The following PCGF3 variants were observed in gnomAD, a reference collection of about 807,000 sequenced individuals.
The protein encoded by PCGF3 is polycomb group ring finger 3, also known as polycomb group RING finger protein 3.
A neutral mutation model predicts 33.1 loss-of-function variants in PCGF3; 7 were observed. The ratio of observed to expected loss-of-function variants is 0.21; its 90% CI spans 0.12 to 0.40. PCGF3 has a LOEUF of 0.40. Ranked by LOEUF, PCGF3 falls within the 10% of genes least tolerant of loss-of-function variation. PCGF3 has a pLI of 1.00. For synonymous variants in PCGF3, 153 were observed against 121.3 expected, an observed-to-expected ratio of 1.26 and a Z score of -1.72; for missense variants, 211 against 313.3, an observed-to-expected ratio of 0.67 and a Z score of 2.46.
intron 1 of PCGF3, among the ~76,000 whole-genome samples, chr4:723,081 C>T (rs1293926147): frequency 9.1e-5 from 13 of 142,616 alleles, no homozygotes; most frequent in South Asian, 2.3e-4. Context: ...CTCGCGTCAT[C>T]GCCCACCCGC....
intron 9 of PCGF3, chr4:764,364 C>T (rs989035864): frequency 6.6e-6 from 1 of 152,240 alleles, no homozygotes; most frequent in African/African-American, 2.4e-5. Context: ...ACAGCCTGGA[C>T]CGGAGGTAGG....
intron 6 of PCGF3, among the ~76,000 whole-genome samples, chr4:738,282 G>A (rs576627623): frequency 2.0e-5 from 3 of 152,340 alleles, no homozygotes; most frequent in South Asian, 4.1e-4. Flanking sequence ...CCTTTAATGC[G>A]TGACCCAGAG....
chr4:761,856 G>C, intron 9 of PCGF3: 2 of 985,444 alleles, frequency 2.0e-6, no homozygotes, highest in Non-Finnish European at 2.4e-6. Context: ...GTGGGTCCCT[G>C]TGAGCCCCCA....
chr4:753,665 G>A lies in PCGF3; in HGVS notation c.463-7614G>A, dbSNP rs531761610. On this transcript the variant is annotated intron_variant, in intron 8 of 10. Coordinates refer to ENST00000362003, the Ensembl canonical transcript of PCGF3. Reference sequence around the variant, plus strand: ...TCTCAAAAAAAAAAAAAAGAAGACTGGACCAGGCACGGTGGCTCACGCCTG... The same window carrying A: ...TCTCAAAAAAAAAAAAAAGAAGACTAGACCAGGCACGGTGGCTCACGCCTG... Among the ~76,000 whole-genome samples, 47 of 148,066 alleles carry A rather than the reference G, an allele frequency of 3.2e-4. 1 individual carries two copies. In the South Asian group the frequency reaches 0.01, roughly 32 times the overall value.
chr4:707,628 T>C lies in PCGF3; in HGVS notation c.-190+1658T>C, dbSNP rs28594408. ...GGACAGCTCTGTTTTCCCCTGGGGGTCGGGACCCTGGGACAGCCCTGTTTT... is the reference window on the plus strand; with the variant it reads ...GGACAGCTCTGTTTTCCCCTGGGGGCCGGGACCCTGGGACAGCCCTGTTTT... On this transcript the variant is annotated intron_variant, in intron 1 of 10. Coordinates refer to ENST00000362003, the Ensembl canonical transcript of PCGF3. Among the ~76,000 whole-genome samples, 132 of 66,908 alleles carry C rather than the reference T, an allele frequency of 2.0e-3. 1 individual carries two copies. Among genetic ancestry groups the C allele is most frequent in the Middle Eastern group, 0.011 (1 of 88 alleles). 43.9% of individuals were successfully genotyped at this position (66,908 alleles called of 152,430 possible).
intron 3 of PCGF3, among the ~76,000 whole-genome samples, chr4:731,618 T>G (rs1408659016): frequency 1.2e-4 from 6 of 49,806 alleles, no homozygotes; most frequent in Admixed American, 5.2e-4. Context: ...CCCTCGTGGG[T>G]GGGCGTGGTC....
chr4:710,959 G>A (rs1229065061), intron 1 of PCGF3, among the ~76,000 whole-genome samples: 2 of 152,190 alleles, frequency 1.3e-5, no homozygotes, highest in East Asian at 1.9e-4. Context: ...TAGACCTTGC[G>A]CTTGCAGTTA....
intron 1 of PCGF3, among the ~76,000 whole-genome samples, chr4:722,771 C>G (rs1210914480): frequency 1.1e-5 from 1 of 90,332 alleles, no homozygotes; most frequent in Non-Finnish European, 2.2e-5. Context: ...GCCATCCACG[C>G]CGGGTCCACA....
chr4:709,235 A>G (rs1742461155), intron 1 of PCGF3, among the ~76,000 whole-genome samples: 1 of 152,068 alleles, frequency 6.6e-6, no homozygotes, highest in Non-Finnish European at 1.5e-5. Flanking sequence ...GCAAGAGTGA[A>G]TGATGCATGA....
At position 721,099 on chromosome 4, in the gene PCGF3, C is replaced by A. The variant is rs1743058763; in HGVS notation, c.-189-9531C>A. Among the ~76,000 whole-genome samples, 1 of 151,700 alleles carries A rather than the reference C, an allele frequency of 6.6e-6. No individual in the cohort carries two copies. ...GGCTGGGCACCCATGAGGCTGAGGA[C>A]CCTGGGGAGGGAACGCTGCTTGTCG... On this transcript the variant is annotated intron_variant, in intron 1 of 10. Transcript: ENST00000362003. This position sits in a 1 kb window ranked among gnomAD's most constrained non-coding sequence, Gnocchi z 4.1.
chr4:732,145 C>T (rs1743596764), intron 3 of PCGF3, among the ~76,000 whole-genome samples: 1 of 112,772 alleles, frequency 8.9e-6, no homozygotes. Flanking sequence ...GGGCGGGGCT[C>T]CCCTCCCCTC....
intron 1 of PCGF3, among the ~76,000 whole-genome samples, chr4:711,990 T>G (rs954836526): frequency 6.6e-6 from 1 of 151,478 alleles, no homozygotes; most frequent in South Asian, 2.1e-4. Context: ...GAAAAGAAAA[T>G]GTAATTTTTC....
chr4:712,589 G>A (rs1311776718), intron 1 of PCGF3, among the ~76,000 whole-genome samples: 1 of 152,218 alleles, frequency 6.6e-6, no homozygotes, highest in Non-Finnish European at 1.5e-5. Context: ...TGGGATTACA[G>A]GCGCCTGCCA....
chr4:742,977 C>T (rs953941941), intron 6 of PCGF3, among the ~76,000 whole-genome samples: 1 of 152,226 alleles, frequency 6.6e-6, no homozygotes, highest in Admixed American at 6.5e-5. Flanking sequence ...ACCTGTGAGC[C>T]GGCAGGATCT....
chr4:732,604 T>G (rs1743646802), intron 3 of PCGF3: 1 of 152,244 alleles, frequency 6.6e-6, no homozygotes. Context: ...TTCGTGGGAC[T>G]GCAGCTGGAC....
intron 1 of PCGF3, among the ~76,000 whole-genome samples, chr4:713,200 TG>T (rs2109517693): frequency 3.2e-5 from 4 of 125,592 alleles, no homozygotes; most frequent in East Asian, 2.6e-4. Context: ...GGGTCCTGTG[TG>T]GCCTGGTGGG....
At chr4:754,330 G>A (rs1035797007) in intron 8 of PCGF3, among the ~76,000 whole-genome samples, 2 of 152,196 alleles carry the variant, frequency 1.3e-5, no homozygotes, top group African/African-American at 4.8e-5. Context: ...GCACCCTCGG[G>A]CACGCGCTGT....
rs377622684 is a variant in PCGF3 at position 707,518 on chromosome 4, G to A, written c.-190+1548G>A. On this transcript the variant is annotated intron_variant, in intron 1 of 10. Coordinates refer to ENST00000362003, the Ensembl canonical transcript of PCGF3. ...CTGGGACAGCCTGTTTTCACCCGGG[G>A]GCCGGGACCCTGGGACAGCCCTGTT... 1.8e-4 allele frequency among the ~76,000 whole-genome samples: 26 copies of A among 142,304 alleles called. 3 individuals carry two copies. In the South Asian group the frequency reaches 5.0e-3, roughly 28 times the overall value. 93.4% of individuals were successfully genotyped at this position (142,304 alleles called of 152,430 possible). A position where few individuals can be genotyped will look rare whatever the true frequency, so the allele number is the denominator to read the frequency against.
intron 8 of PCGF3, 27 bp downstream of exon 8, chr4:744,715 G>C (rs1406938890): frequency 8.3e-7 from 1 of 1,207,984 alleles, no homozygotes; most frequent in Non-Finnish European, 1.2e-6. Context: ...GGTCGCTGCA[G>C]TGTTAGTGTT....
Sources: allele counts gnomAD v4.1 joint callset (sites outside exome capture counted in the v4.1 genomes callset), GRCh38; gene constraint gnomAD v4.1.1; non-coding constraint Gnocchi (gnomAD v3.1); transcripts MANE v1.5; gene names NCBI Gene and HGNC (gene_info 2026-07-23, HGNC 2026-07-21).